The following CRIP2 variants were observed in gnomAD, a reference collection of about 807,000 sequenced individuals.
The protein encoded by CRIP2 is cysteine rich protein 2, also known as cysteine-rich protein 2.
In CRIP2, 31 loss-of-function variants were observed where a neutral mutation model predicts 31.3. The observed-to-expected ratio is 0.99, with a 90% CI of 0.74 to 1.34. CRIP2 has a LOEUF of 1.34. Among genes scored for constraint, CRIP2 ranks in the 40% most tolerant of loss-of-function variants. The probability of loss-of-function intolerance (pLI) is 0.00; values close to 1 mark genes in which losing one functional copy is unlikely to be tolerated. For synonymous variants in CRIP2, 177 were observed against 127.2 expected (o/e 1.39, Z -2.63); for missense variants, 389 against 301.6 (o/e 1.29, Z -2.15).
chr14:105,473,308 G>T (rs1447224480), upstream of CRIP2: 34 of 1,525,990 alleles, frequency 2.2e-5, no homozygotes, highest in Non-Finnish European at 2.8e-5. Context: ...GGGGGAGCTG[G>T]TCAGGCTGGT....
chr14:105,476,066 G>A (rs2083926639), intron 1 of CRIP2: 2 of 985,636 alleles, frequency 2.0e-6, no homozygotes, highest in Non-Finnish European at 2.4e-6. Context: ...GGGAGCCGAG[G>A]GGCTTCCGGC....
rs1198529374 is a variant in CRIP2, at chr14:105,478,848, G to GT, written c.314_315insT (p.Lys108GlufsTer30). On this transcript the variant is annotated frameshift_variant, in exon 4 of 8. Transcript: ENST00000329146. LOFTEE classifies it high-confidence loss of function. The surrounding 1 kb of genome is among the most constrained non-coding windows in gnomAD (Gnocchi z 4.9). Reference sequence around the variant, plus strand: ...CGAGCAGAGGAGCGGAAGGCGAGCGGCCCCCCGAAGGGGCCCAGCAGAGGT... The same window carrying GT: ...CGAGCAGAGGAGCGGAAGGCGAGCGGTCCCCCCGAAGGGGCCCAGCAGAGGT... The GT allele has an allele frequency of 7.0e-7, 1 of 1,425,980 alleles. No individual in the cohort carries two copies. The highest frequency in any genetic ancestry group is 9.1e-7 in the Non-Finnish European group (1 of 1,100,542). The allele number at this position is 1,425,980 out of a possible 1,614,324, so 88.3% of individuals were successfully genotyped here.
At chr14:105,475,194 G>T in intron 1 of CRIP2, 1 of 322,098 alleles carries the variant, frequency 3.1e-6, no homozygotes, top group East Asian at 5.0e-5. Context: ...CAGTGTTTGG[G>T]GGAGCGCTCG....
At position 105,479,015 on chromosome 14, in the gene CRIP2, C is replaced by A. The variant is rs1225789823; in HGVS notation, c.374C>A (p.Thr125Lys). 1.3e-6 allele frequency: 2 copies of A among 1,584,076 alleles called. No homozygotes were observed. Among genetic ancestry groups the A allele is most frequent in the Non-Finnish European group, 1.7e-6 (2 of 1,168,116 alleles). Residue 125 changes from threonine (T) to lysine (K), a missense_variant, in exon 5 of 8, where the codon ACG becomes AAG. Physicochemically the swap from Thr to Lys is moderately conservative, Grantham distance 78 (BLOSUM62 -1). Coordinates refer to ENST00000329146, the MANE Select transcript of CRIP2 (RefSeq NM_001312.4). ...ACCACTTTCACCGGGGAGCCCAACACGTGCCCGCGCTGCAGCAAGAAGGTG... is the reference window on the plus strand; with the variant it reads ...ACCACTTTCACCGGGGAGCCCAACAAGTGCCCGCGCTGCAGCAAGAAGGTG... ...SVTTFTGEPNTCPRCSKKVYF... is the reference protein window; with the variant it reads ...SVTTFTGEPNKCPRCSKKVYF...
rs1054601626 is a variant in CRIP2, at chr14:105,479,858, G to A, written c.*205G>A. 3.9e-5 allele frequency: 24 copies of A among 609,540 alleles called. No individual in the cohort carries two copies. Among genetic ancestry groups the A allele is most frequent in the Middle Eastern group, 4.4e-4 (1 of 2,286 alleles). 37.8% of individuals were successfully genotyped at this position (609,540 alleles called of 1,614,324 possible). On this transcript the variant is annotated 3_prime_UTR_variant, in exon 8 of 8. Coordinates refer to ENST00000329146, the MANE Select transcript of CRIP2 (RefSeq NM_001312.4). ...CTGCCCCCTCTGGCATCCTCTGGGC[G>A]TCCCATGATCCCTTCTGTGTCTGCG... is the stretch of plus-strand genomic sequence containing the variant.
At chr14:105,475,583 A>C (rs1317830324) in intron 1 of CRIP2, among the ~76,000 whole-genome samples, 5 of 152,184 alleles carry the variant, frequency 3.3e-5, no homozygotes, top group African/African-American at 7.2e-5. Context: ...CCTTGTGCTC[A>C]AGCAGCCCAG....
upstream of CRIP2, chr14:105,472,975 G>T: frequency 1.7e-6 from 1 of 573,640 alleles, no homozygotes; most frequent in South Asian, 2.0e-5. Context: ...TGGGGACCTT[G>T]GGGCAGGTGG....
At chr14:105,473,742 C>A (rs1262991008), upstream of CRIP2, among the ~76,000 whole-genome samples, 2 of 152,108 alleles carry the variant, frequency 1.3e-5, no homozygotes, top group Non-Finnish European at 1.5e-5. Context: ...GGCTCTAGGG[C>A]GGAGGCACTG....
upstream of CRIP2, chr14:105,474,019 G>C (rs1440387374): frequency 6.1e-6 from 1 of 162,848 alleles, no homozygotes; most frequent in Admixed American, 5.6e-5. The surrounding 1 kb of genome is among the most constrained non-coding windows in gnomAD (Gnocchi z 5.1). Context: ...GGGTGGAAGT[G>C]CTTGGGGTGG....
intron 1 of CRIP2, chr14:105,477,235 C>T (rs1293861889): frequency 8.2e-6 from 8 of 976,786 alleles, no homozygotes; most frequent in African/African-American, 1.8e-5. Context: ...TGCTTCCATC[C>T]ACTGGGAAGC....
chr14:105,479,767 G>C lies in CRIP2; in HGVS notation c.*114G>C. ...CGCCCAGTCCTGCCTGCAAGCCCAG[G>C]GCGAGTATTGGAGGAGGGGCAGCCA... On this transcript the variant is annotated 3_prime_UTR_variant, in exon 8 of 8. Coordinates refer to ENST00000329146, the MANE Select transcript of CRIP2 (RefSeq NM_001312.4). 2.5e-6 allele frequency: 3 copies of C among 1,200,242 alleles called. No individual in the cohort carries two copies. 74.3% of individuals were successfully genotyped at this position (1,200,242 alleles called of 1,614,324 possible).
Position 105,479,668 on chromosome 14 carries a change from C to T in CRIP2, c.*15C>T. 3.7e-6 allele frequency: 6 copies of T among 1,609,154 alleles called. No individual in the cohort carries two copies. The highest frequency in any genetic ancestry group is 5.1e-6 in the Non-Finnish European group (6 of 1,178,516). Reference sequence around the variant, plus strand: ...TCCAGCCCTAGGCTACAGCGGCTCTCATGATGTGGGCTCACCTGCGCCCCA... The same window carrying T: ...TCCAGCCCTAGGCTACAGCGGCTCTTATGATGTGGGCTCACCTGCGCCCCA... On this transcript the variant is annotated 3_prime_UTR_variant, in exon 8 of 8. Coordinates refer to ENST00000329146, the MANE Select transcript of CRIP2 (RefSeq NM_001312.4).
upstream of CRIP2, chr14:105,473,326 G>GC: frequency 6.5e-7 from 1 of 1,532,138 alleles, no homozygotes; most frequent in East Asian, 2.4e-5. Flanking sequence ...GGTCAGTCGG[G>GC]CGGGGGGGCG....
chr14:105,478,115 G>T lies in CRIP2; in HGVS notation c.44-151G>T. 1.6e-6 allele frequency: 1 copy of T among 615,948 alleles called. No homozygotes were observed. Among genetic ancestry groups the T allele is most frequent in the Admixed American group, 3.3e-5 (1 of 29,866 alleles). The allele number at this position is 615,948 out of a possible 1,614,324, so 38.2% of individuals were successfully genotyped here. On this transcript the variant is annotated intron_variant, in intron 1 of 7. Coordinates refer to ENST00000329146, the MANE Select transcript of CRIP2 (RefSeq NM_001312.4). The surrounding 1 kb of genome is among the most constrained non-coding windows in gnomAD (Gnocchi z 4.9). ...GGCTCCTCCGGGTCTCAGAAGGAGGGGCAGGGCCCGCCAGGTGGAAGGAAG... is the reference window on the plus strand; with the variant it reads ...GGCTCCTCCGGGTCTCAGAAGGAGGTGCAGGGCCCGCCAGGTGGAAGGAAG...
chr14:105,476,875 C>A, intron 1 of CRIP2: 1 of 625,814 alleles, frequency 1.6e-6, no homozygotes, highest in Non-Finnish European at 2.0e-6. Context: ...CCACGGAGAG[C>A]CAGTATTCAC....
chr14:105,474,995 G>C lies in CRIP2; in HGVS notation c.43+90G>C. 1 of 1,313,772 alleles carries C rather than the reference G, an allele frequency of 7.6e-7. No individual in the cohort carries two copies. The highest frequency in any genetic ancestry group is 1.9e-5 in the South Asian group (1 of 53,194). 81.4% of individuals were successfully genotyped at this position (1,313,772 alleles called of 1,614,324 possible). On this transcript the variant is annotated intron_variant, in intron 1 of 7. Coordinates refer to ENST00000329146, the MANE Select transcript of CRIP2 (RefSeq NM_001312.4). The surrounding 1 kb of genome is among the most constrained non-coding windows in gnomAD (Gnocchi z 5.1). ...CCGCAGAGCCGCGGCGTAACTCGGG[G>C]TGCGCCCGGCCCCGGCCCCGGACCG...
In CRIP2 at chr14:105,478,979, C is replaced by T. The variant is rs1468956570; in HGVS notation, c.338C>T (p.Ala113Val). Reference sequence around the variant, plus strand: ...CCGCCCTGACTCGTGCGCCCCACAGCCTCCAGTGTCACCACTTTCACCGGG... The same window carrying T: ...CCGCCCTGACTCGTGCGCCCCACAGTCTCCAGTGTCACCACTTTCACCGGG... ...ASGPPKGPSR[A>V]SSVTTFTGEP... Residue 113 changes from alanine to valine, a missense_variant and splice_region_variant, in exon 5 of 8, where the codon GCC becomes GTC. By Grantham distance (64) the Ala-to-Val change is moderately conservative. Transcript: ENST00000329146. The surrounding 1 kb of genome is among the most constrained non-coding windows in gnomAD (Gnocchi z 4.9). 2.2e-5 allele frequency: 35 copies of T among 1,570,054 alleles called. No homozygotes were observed. The highest frequency in any genetic ancestry group is 7.2e-5 in the Admixed American group (4 of 55,606).
chr14:105,476,184 C>T (rs2083929265), intron 1 of CRIP2: 3 of 985,514 alleles, frequency 3.0e-6, no homozygotes, highest in Non-Finnish European at 3.6e-6. Context: ...AGTCCAACTG[C>T]CCATGACTTT....
At chr14:105,479,094 G>A (rs782310830) in intron 5 of CRIP2, 31 bp from the exon 6 acceptor site, 5 of 1,353,656 alleles carry the variant, frequency 3.7e-6, no homozygotes, top group Non-Finnish European at 4.2e-6. Flanking sequence ...CCCCCGCCCC[G>A]GGGCTCGGCC....
Sources: gnomAD v4.1 joint callset for allele counts (sites outside exome capture counted in the v4.1 genomes callset) on GRCh38, gnomAD v4.1.1 for gene constraint, Gnocchi (gnomAD v3.1) non-coding constraint, MANE v1.5 for transcripts, NCBI Gene and HGNC (gene_info 2026-07-23, HGNC 2026-07-21) for gene names.